The following NR5A1 variants were observed in gnomAD, a reference collection of about 807,000 sequenced individuals.
NR5A1 encodes steroidogenic factor 1.
In NR5A1, 6 loss-of-function variants were observed where a neutral mutation model predicts 42.7. The ratio of observed to expected loss-of-function variants is 0.14; its 90% CI spans 0.08 to 0.28. NR5A1 has a LOEUF of 0.28. Among genes scored for constraint, NR5A1 ranks in the 10% least tolerant of loss-of-function variants. The pLI is 1.00. For missense variants in NR5A1, 442 were observed against 626.4 expected (o/e 0.71, Z 3.14); for synonymous variants, 274 against 277.5 (o/e 0.99, Z 0.12).
intron 6 of NR5A1, among the ~76,000 whole-genome samples, chr9:124,488,500 C>T (rs993234494): frequency 5.3e-5 from 8 of 152,250 alleles, no homozygotes; most frequent in African/African-American, 1.7e-4. Flanking sequence ...CTGTGCCAGA[C>T]ACAATGATAC....
At chr9:124,483,741 C>T (rs183208661) in intron 6 of NR5A1, among the ~76,000 whole-genome samples, 88 of 152,346 alleles carry the variant, frequency 5.8e-4, no homozygotes, top group African/African-American at 1.8e-3. Context: ...AGCACCACGC[C>T]CACAGAGGCG....
At chr9:124,491,015 T>TCTGGCCC in intron 6 of NR5A1, 66 bp downstream of exon 6, 11 of 634,816 alleles carry the variant, frequency 1.7e-5, no homozygotes, top group Non-Finnish European at 2.8e-5. Flanking sequence ...CTCTCCAGCC[T>TCTGGCCC]CACCCACCCT....
chr9:124,491,909 C>G (rs994157912), intron 5 of NR5A1, among the ~76,000 whole-genome samples: 3 of 152,128 alleles, frequency 2.0e-5, no homozygotes, highest in African/African-American at 7.2e-5. Context: ...CACACACACA[C>G]AAACAGGCAT....
chr9:124,495,307 T>C (rs1832374728), intron 4 of NR5A1, among the ~76,000 whole-genome samples: 2 of 152,004 alleles, frequency 1.3e-5, no homozygotes, highest in South Asian at 4.2e-4. Flanking sequence ...GGAGCCGCGG[T>C]TTCCAGGAGG....
chr9:124,483,087 A>G, intron 6 of NR5A1, 82 bp from the exon 7 acceptor site: 1 of 1,604,274 alleles, frequency 6.2e-7, no homozygotes, highest in South Asian at 1.1e-5. Context: ...CAGCATCACC[A>G]ATACCACCTT....
At chr9:124,494,499 A>G (rs953241899) in intron 4 of NR5A1, among the ~76,000 whole-genome samples, 4 of 152,188 alleles carry the variant, frequency 2.6e-5, no homozygotes, top group African/African-American at 9.7e-5. Context: ...AATCTGCAAC[A>G]TCTCATGGCA....
intron 1 of NR5A1, among the ~76,000 whole-genome samples, chr9:124,504,678 C>T (rs1219180288): frequency 2.0e-5 from 3 of 150,032 alleles, no homozygotes; most frequent in African/African-American, 4.9e-5. Context: ...GGCCCGGCGC[C>T]CACCTGGTCG....
In NR5A1 at chr9:124,496,643, C is replaced by G. The variant is rs1011559977; in HGVS notation, c.870+3447G>C. On this transcript the variant is annotated intron_variant, in intron 4 of 6. Transcript: ENST00000373588. This position sits in a 1 kb window ranked among gnomAD's most constrained non-coding sequence, Gnocchi z 5.0. ...TAATTCTCTGGTGGCTGACACACCA[C>G]GGGCTGGCCACTGCGCTCTGCCGGC... Among the ~76,000 whole-genome samples the G allele has an allele frequency of 3.9e-5, 6 of 152,224 alleles. No homozygotes were observed. Among genetic ancestry groups the G allele is most frequent in the African/African-American group, 1.2e-4 (5 of 41,442 alleles).
chr9:124,503,909 C>T lies in NR5A1; in HGVS notation c.-15-499G>A, dbSNP rs1832506887. Among the ~76,000 whole-genome samples, 1 of 151,986 alleles carries T rather than the reference C, an allele frequency of 6.6e-6. No individual in the cohort carries two copies. The highest frequency in any genetic ancestry group is 1.5e-5 in the Non-Finnish European group (1 of 67,998). On this transcript the variant is annotated intron_variant, in intron 1 of 6. Coordinates refer to ENST00000373588, the MANE Select transcript of NR5A1 (RefSeq NM_004959.5). The surrounding 1 kb of genome is among the most constrained non-coding windows in gnomAD (Gnocchi z 9.6). ...GGCGAGAGACAACGACCGACGCCAC[C>T]GGGCGCAGACACGAGGCCAGTCCGA...
intron 4 of NR5A1, among the ~76,000 whole-genome samples, chr9:124,495,424 C>T (rs1440217781): frequency 6.6e-6 from 1 of 152,234 alleles, no homozygotes; most frequent in African/African-American, 2.4e-5. Flanking sequence ...GATAAGGAAA[C>T]AGAGGCCTGC....
intron 4 of NR5A1, among the ~76,000 whole-genome samples, chr9:124,497,789 T>C (rs1448258194): frequency 6.6e-6 from 1 of 152,230 alleles, no homozygotes; most frequent in East Asian, 1.9e-4. Context: ...CGGAACACGA[T>C]GCCTCTTCAC....
intron 5 of NR5A1, among the ~76,000 whole-genome samples, chr9:124,492,502 C>A (rs1832330466): frequency 6.6e-6 from 1 of 151,700 alleles, no homozygotes; most frequent in African/African-American, 2.4e-5. Flanking sequence ...GAGCCCTTTG[C>A]CCATTCATTC....
rs1182255809 is a variant in NR5A1 at position 124,501,617 on chromosome 9, C to T, written c.245-902G>A. On this transcript the variant is annotated intron_variant, in intron 3 of 6. Coordinates refer to ENST00000373588, the MANE Select transcript of NR5A1 (RefSeq NM_004959.5). This position sits in a 1 kb window ranked among gnomAD's most constrained non-coding sequence, Gnocchi z 4.1. ...GGGCTGCCTGGCCAATCTTCCTGCC[C>T]CCTGGGGTGGGCAGCGCTGTGCTGC... 6.6e-6 allele frequency among the ~76,000 whole-genome samples: 1 copy of T among 152,168 alleles called. No individual in the cohort carries two copies. Among genetic ancestry groups the T allele is most frequent in the Non-Finnish European group, 1.5e-5 (1 of 68,014 alleles).
At position 124,495,223 on chromosome 9, in the gene NR5A1, G is replaced by A. The variant is rs373513753; in HGVS notation, c.871-2074C>T. On this transcript the variant is annotated intron_variant, in intron 4 of 6. Coordinates refer to ENST00000373588, the MANE Select transcript of NR5A1 (RefSeq NM_004959.5). ...GCTCAGCCCTGACTGGGAGGGTCCCGGAGAGACTGAGGCCTGGGCAGGGGC... is the reference window on the plus strand; with the variant it reads ...GCTCAGCCCTGACTGGGAGGGTCCCAGAGAGACTGAGGCCTGGGCAGGGGC... 1.1e-4 allele frequency among the ~76,000 whole-genome samples: 17 copies of A among 152,314 alleles called. No homozygotes were observed. In the East Asian group the frequency reaches 2.5e-3, roughly 22 times the overall value.
chr9:124,482,873 A>G lies in NR5A1; in HGVS notation c.1271T>C (p.Val424Ala), dbSNP rs1026030730. ...DKFQQLLLCL[V>A]EVRALSMQAK... Reference sequence around the variant, plus strand: ...CTGCATGCTCAGGGCCCGCACCTCCACCAGGCACAGCAGCAGCTGCTGGAA... The same window carrying G: ...CTGCATGCTCAGGGCCCGCACCTCCGCCAGGCACAGCAGCAGCTGCTGGAA... The change falls in exon 7 of 7, where the codon GTG becomes GCG. Residue 424 changes from valine to alanine, a missense_variant. This residue lies in a region of NR5A1 where 163 missense variants were observed against 265.8 expected (regional missense o/e 0.61). Transcript: ENST00000373588. 2.2e-5 allele frequency: 36 copies of G among 1,613,588 alleles called. No individual in the cohort carries two copies. Among genetic ancestry groups the G allele is most frequent in the Non-Finnish European group, 3.1e-5 (36 of 1,179,958 alleles).
In NR5A1 at chr9:124,482,749, G is replaced by A. The variant is rs1055310823; in HGVS notation, c.*9C>T. ...CGCCCCCAGTCCCGGCCCCGCCCCC[G>A]GCCCAGGCTCAAGTCTGCTTGGCTT... On this transcript the variant is annotated 3_prime_UTR_variant, in exon 7 of 7. Transcript: ENST00000373588. 2 of 815,640 alleles carry A rather than the reference G, an allele frequency of 2.5e-6. No individual in the cohort carries two copies. The highest frequency in any genetic ancestry group is 2.1e-5 in the South Asian group (1 of 47,048). 50.5% of individuals were successfully genotyped at this position (815,640 alleles called of 1,614,324 possible). A position where few individuals can be genotyped will look rare whatever the true frequency, so the allele number is the denominator to read the frequency against.
intron 4 of NR5A1, 115 bp from the exon 5 acceptor site, chr9:124,493,264 C>T (rs1832343928): frequency 1.5e-6 from 2 of 1,354,596 alleles, no homozygotes; most frequent in Non-Finnish European, 2.0e-6. Context: ...GCAAGCTAAC[C>T]TCTCTGTGCC....
rs1025899053 is a variant in NR5A1, at chr9:124,498,730, G to A, written c.870+1360C>T. 5.9e-5 allele frequency among the ~76,000 whole-genome samples: 9 copies of A among 152,234 alleles called. No homozygotes were observed. Among genetic ancestry groups the A allele is most frequent in the Admixed American group, 2.6e-4 (4 of 15,292 alleles). On this transcript the variant is annotated intron_variant, in intron 4 of 6. Transcript: ENST00000373588. This position sits in a 1 kb window ranked among gnomAD's most constrained non-coding sequence, Gnocchi z 4.6. ...TTAGGTCGGACCAGAGAGGCGGGCA[G>A]TGTTGAGAAGGGGCTGGGGTGAGAA...
At position 124,489,716 on chromosome 9, in the gene NR5A1, A is replaced by C. The variant is rs570654600; in HGVS notation, c.1138+1365T>G. ...GAGGCTCCTGTAAGGATTTCAGGCC[A>C]CAGCTCCTAACTGGCTGCCCAAGAT... is the stretch of plus-strand genomic sequence containing the variant. On this transcript the variant is annotated intron_variant, in intron 6 of 6. Coordinates refer to ENST00000373588, the MANE Select transcript of NR5A1 (RefSeq NM_004959.5). 3.4e-3 allele frequency among the ~76,000 whole-genome samples: 512 copies of C among 151,888 alleles called. 3 individuals carry two copies. The highest frequency in any genetic ancestry group is 0.012 in the African/African-American group (486 of 41,468).
Sources: allele counts gnomAD v4.1 joint callset (sites outside exome capture counted in the v4.1 genomes callset), GRCh38; gene constraint gnomAD v4.1.1; regional missense constraint gnomAD v4.1.1; non-coding constraint Gnocchi (gnomAD v3.1); transcripts MANE v1.5; gene names NCBI Gene and HGNC (gene_info 2026-07-23, HGNC 2026-07-21).